Variants in ZNF521 observed in about 807,000 individuals in gnomAD.
The protein encoded by ZNF521 is LYST-interacting protein 3.
ZNF521 carries 14 observed loss-of-function variants against 105.5 expected under a neutral mutation model. The ratio of observed to expected loss-of-function variants is 0.13; its 90% CI spans 0.09 to 0.21. The LOEUF (loss-of-function observed/expected upper bound fraction) is 0.21. ZNF521 is among the 10% of genes least tolerant of loss of function. The pLI is 1.00. For missense variants in ZNF521, 1,233 were observed against 1,629.7 expected (o/e 0.76, Z 4.19); for synonymous variants, 635 against 606.0 (o/e 1.05, Z -0.70).
chr18:25,196,313 T>C (rs1243781901), intron 4 of ZNF521, among the ~76,000 whole-genome samples: 1 of 151,628 alleles, frequency 6.6e-6, no homozygotes, highest in East Asian at 1.9e-4. Flanking sequence ...ATCGTTTCAT[T>C]TGAAATCATA....
intron 3 of ZNF521, among the ~76,000 whole-genome samples, chr18:25,318,911 C>A (rs776788656): frequency 1.3e-5 from 2 of 149,604 alleles, no homozygotes; most frequent in Admixed American, 6.7e-5. Context: ...ATCTTGGTTT[C>A]TAAATACCTT....
At chr18:25,096,883 T>C (rs1323970867) in intron 5 of ZNF521, among the ~76,000 whole-genome samples, 1 of 152,172 alleles carries the variant, frequency 6.6e-6, no homozygotes, top group East Asian at 1.9e-4. Flanking sequence ...CTGATCTGAG[T>C]GGGAGTAAAC....
intron 2 of ZNF521, among the ~76,000 whole-genome samples, chr18:25,342,444 CAG>C (rs1254639169): frequency 1.5e-5 from 2 of 136,390 alleles, no homozygotes; most frequent in Admixed American, 1.5e-4. Flanking sequence ...TTTTTTGAGA[CAG>C]AGTCTCGCTC....
intron 2 of ZNF521, among the ~76,000 whole-genome samples, chr18:25,336,738 T>C (rs759971091): frequency 2.6e-5 from 4 of 152,224 alleles, no homozygotes; most frequent in Non-Finnish European, 5.9e-5. Context: ...GAAAGGGCTA[T>C]GTGCTACCAC....
intron 5 of ZNF521, among the ~76,000 whole-genome samples, chr18:25,159,916 T>C (rs2144518619): frequency 6.6e-6 from 1 of 152,312 alleles, no homozygotes; most frequent in East Asian, 1.9e-4. Context: ...CTAAGCTCAG[T>C]GCAAGGTATT....
intron 3 of ZNF521, among the ~76,000 whole-genome samples, chr18:25,300,262 C>G (rs1911560731): frequency 6.6e-6 from 1 of 152,134 alleles, no homozygotes; most frequent in Non-Finnish European, 1.5e-5. Context: ...TGGTGAAAAG[C>G]AGATCCACCA....
At chr18:25,125,427 G>T (rs35473451) in intron 5 of ZNF521, among the ~76,000 whole-genome samples, 25,185 of 152,030 alleles carry the variant, frequency 0.17, 2,218 homozygotes, top group Middle Eastern at 0.26. Flanking sequence ...CAGATATCAA[G>T]ACATACCTCA....
chr18:25,232,702 T>A (rs922283964), intron 3 of ZNF521, among the ~76,000 whole-genome samples: 4 of 152,258 alleles, frequency 2.6e-5, no homozygotes, highest in African/African-American at 9.6e-5. Flanking sequence ...TGTTTTTCTA[T>A]GGAATTCTGA....
intron 3 of ZNF521, among the ~76,000 whole-genome samples, chr18:25,258,381 G>C (rs1189851469): frequency 1.3e-5 from 2 of 152,180 alleles, no homozygotes; most frequent in African/African-American, 4.8e-5. Flanking sequence ...AGGGAGCTAT[G>C]ACAACTCTCT....
intron 5 of ZNF521, among the ~76,000 whole-genome samples, chr18:25,188,150 C>T (rs1311903040): frequency 6.6e-6 from 1 of 152,126 alleles, no homozygotes; most frequent in African/African-American, 2.4e-5. Flanking sequence ...GCCAGCTGTA[C>T]AGCAAATGTG....
chr18:25,224,946 C>T lies in ZNF521; in HGVS notation c.2972G>A (p.Arg991Gln), dbSNP rs778829846. The change falls in exon 4 of 8, where the codon CGG (arginine) becomes CAG (glutamine). Residue 991 changes from arginine (R) to glutamine (Q), a missense_variant. By Grantham distance (43) the Arg-to-Gln change is conservative. This residue lies in a region of ZNF521 where 614 missense variants were observed against 751.5 expected (regional missense o/e 0.82). Coordinates refer to ENST00000361524, the MANE Select transcript of ZNF521 (RefSeq NM_015461.3). Reference sequence around the variant, plus strand: ...ACTCTGGAGAGGCATCTTGCAAATCCGGCAGTTTCCAGTATCAAGACTCTT... The same window carrying T: ...ACTCTGGAGAGGCATCTTGCAAATCTGGCAGTTTCCAGTATCAAGACTCTT... ...HSKSLDTGNC[R>Q]ICKMPLQSEE... 5.6e-6 allele frequency: 9 copies of T among 1,613,952 alleles called. No individual in the cohort carries two copies. The highest frequency in any genetic ancestry group is 1.1e-5 in the South Asian group (1 of 91,076).
chr18:25,176,696 G>A (rs924323987), intron 5 of ZNF521, among the ~76,000 whole-genome samples: 9 of 152,290 alleles, frequency 5.9e-5, no homozygotes, highest in African/African-American at 2.2e-4. Context: ...AACTGGCAGC[G>A]AAGCCTACAG....
chr18:25,207,493 G>A (rs1180126121), intron 4 of ZNF521, among the ~76,000 whole-genome samples: 1 of 152,130 alleles, frequency 6.6e-6, no homozygotes, highest in Non-Finnish European at 1.5e-5. Flanking sequence ...TCATTTCCCA[G>A]TGTACACTTT....
intron 7 of ZNF521, among the ~76,000 whole-genome samples, chr18:25,083,588 T>C (rs1396812191): frequency 6.6e-6 from 1 of 152,188 alleles, no homozygotes; most frequent in Non-Finnish European, 1.5e-5. Flanking sequence ...TCTGGGAAGA[T>C]TTATAACAAT....
At chr18:25,131,021 A>G (rs1193368703) in intron 5 of ZNF521, among the ~76,000 whole-genome samples, 1 of 152,074 alleles carries the variant, frequency 6.6e-6, no homozygotes, top group Non-Finnish European at 1.5e-5. Context: ...CCGATTGGAG[A>G]GTCTCCATGG....
At chr18:25,173,344 G>C (rs1306934078) in intron 5 of ZNF521, among the ~76,000 whole-genome samples, 2 of 152,156 alleles carry the variant, frequency 1.3e-5, no homozygotes, top group African/African-American at 4.8e-5. Context: ...TTTGAACTGT[G>C]CATAATCCCT....
At chr18:25,131,992 G>C (rs1276379659) in intron 5 of ZNF521, among the ~76,000 whole-genome samples, 1 of 152,098 alleles carries the variant, frequency 6.6e-6, no homozygotes, top group East Asian at 1.9e-4. Context: ...AAGCTAGAAA[G>C]AAAGGATTTT....
chr18:25,313,514 A>G (rs1305758362), intron 3 of ZNF521, among the ~76,000 whole-genome samples: 1 of 152,206 alleles, frequency 6.6e-6, no homozygotes, highest in Non-Finnish European at 1.5e-5. Flanking sequence ...AAAGCACAGA[A>G]GTGAGATTAT....
chr18:25,288,443 G>A (rs1000123578), intron 3 of ZNF521, among the ~76,000 whole-genome samples: 1 of 151,796 alleles, frequency 6.6e-6, no homozygotes, highest in African/African-American at 2.4e-5. Context: ...CTTTCCTTTC[G>A]GGTTTTAGCT....
Sources: gnomAD v4.1 joint callset for allele counts (sites outside exome capture counted in the v4.1 genomes callset) on GRCh38, gnomAD v4.1.1 for gene constraint, gnomAD v4.1.1 regional missense constraint, MANE v1.5 for transcripts, NCBI Gene and HGNC (gene_info 2026-07-23, HGNC 2026-07-21) for gene names.